FSTL5: variants seen among roughly 807,000 people sequenced by gnomAD.
FSTL5 encodes the protein follistatin like 5.
Under a neutral mutation model 89.1 loss-of-function variants are expected in FSTL5, and 62 were observed. The ratio of observed to expected loss-of-function variants is 0.70; its 90% CI spans 0.57 to 0.86. The LOEUF (loss-of-function observed/expected upper bound fraction) is 0.86, where lower values mean the gene tolerates loss of function less well. Ranked by LOEUF, FSTL5 falls within the 40% of genes least tolerant of loss-of-function variation. FSTL5 has a pLI of 0.00. For missense variants in FSTL5, 1,057 were observed against 1,001.6 expected (o/e 1.06, Z -0.75); for synonymous variants, 383 against 346.2 (o/e 1.11, Z -1.18).
At chr4:161,597,454 G>C (rs1734058107) in intron 7 of FSTL5, among the ~76,000 whole-genome samples, 1 of 134,260 alleles carries the variant, frequency 7.4e-6, no homozygotes, top group African/African-American at 2.8e-5. Context: ...ACAGGAAGGG[G>C]AACATCACAC....
rs1310157518 is a variant in FSTL5, at chr4:161,825,893, T to C, written c.410-49819A>G. Among the ~76,000 whole-genome samples the C allele has an allele frequency of 2.0e-5, 3 of 152,112 alleles. No homozygotes were observed. In the East Asian group the frequency reaches 5.8e-4, roughly 29 times the overall value. ...TTTATTTCATTTAGTTCTGCTTTGA[T>C]CTTCATTATTTCTTTTTTTCTGTTG... On this transcript the variant is annotated intron_variant, in intron 4 of 15. Coordinates refer to ENST00000306100, the MANE Select transcript of FSTL5 (RefSeq NM_020116.5).
At chr4:161,960,005 A>G (rs1735131313) in intron 3 of FSTL5, among the ~76,000 whole-genome samples, 1 of 152,106 alleles carries the variant, frequency 6.6e-6, no homozygotes, top group Non-Finnish European at 1.5e-5. Context: ...CACCAATTCG[A>G]GCAAAATAAG....
chr4:161,861,613 G>A (rs1162921844), intron 4 of FSTL5, among the ~76,000 whole-genome samples: 2 of 152,132 alleles, frequency 1.3e-5, no homozygotes, highest in Non-Finnish European at 2.9e-5. Flanking sequence ...TGGGTAACAT[G>A]AAAAATCCAG....
intron 4 of FSTL5, among the ~76,000 whole-genome samples, chr4:161,881,332 G>C (rs965746048): frequency 1.7e-4 from 25 of 151,464 alleles, no homozygotes; most frequent in Middle Eastern, 3.4e-3. Flanking sequence ...ATTTAAATTA[G>C]ATACTACAGT....
At chr4:161,698,224 T>C (rs1560796207) in intron 6 of FSTL5, among the ~76,000 whole-genome samples, 2 of 152,150 alleles carry the variant, frequency 1.3e-5, no homozygotes, top group Non-Finnish European at 2.9e-5. Flanking sequence ...CTGAATCTGC[T>C]GGCACCTCGA....
At chr4:162,026,180 T>C (rs768047044) in intron 3 of FSTL5, among the ~76,000 whole-genome samples, 17 of 151,888 alleles carry the variant, frequency 1.1e-4, no homozygotes, top group Non-Finnish European at 1.9e-4. Flanking sequence ...CCAACCATTC[T>C]AGGTAAGTGA....
rs554679440 is a variant in FSTL5 at position 161,783,628 on chromosome 4, C to T, written c.410-7554G>A. On this transcript the variant is annotated intron_variant, in intron 4 of 15. Transcript: ENST00000306100. ...TTTCTTTCTTTCTCTTTTTCTTTCT[C>T]TTTCTTTTCTTTCTTTCTCTCTCTT... Among the ~76,000 whole-genome samples the T allele has an allele frequency of 1.4e-3, 91 of 67,118 alleles. 2 individuals are homozygous for T. The highest frequency in any genetic ancestry group is 5.2e-3 in the Admixed American group (27 of 5,210). The allele number at this position is 67,118 out of a possible 152,430, so 44.0% of individuals were successfully genotyped here. A position where few individuals can be genotyped will look rare whatever the true frequency, so the allele number is the denominator to read the frequency against.
rs181144749 is a variant in FSTL5 at position 161,962,839 on chromosome 4, A to T, written c.161-42187T>A. ...AACTAAAGAACTTTTATTTCTGAAGACACTGTAAGGACTAATTTAAATACA... is the reference window on the plus strand; with the variant it reads ...AACTAAAGAACTTTTATTTCTGAAGTCACTGTAAGGACTAATTTAAATACA... On this transcript the variant is annotated intron_variant, in intron 3 of 15. Transcript: ENST00000306100. 3.6e-3 allele frequency among the ~76,000 whole-genome samples: 541 copies of T among 152,132 alleles called. 5 individuals carry two copies. Among genetic ancestry groups the T allele is most frequent in the Non-Finnish European group, 5.8e-3 (395 of 67,936 alleles).
At chr4:161,916,189 A>G (rs887785312) in intron 4 of FSTL5, among the ~76,000 whole-genome samples, 2 of 152,240 alleles carry the variant, frequency 1.3e-5, no homozygotes, top group African/African-American at 4.8e-5. Context: ...ATGCACATTT[A>G]AGTGCACAGA....
chr4:161,537,692 T>A (rs1244513838), intron 10 of FSTL5, among the ~76,000 whole-genome samples: 3 of 152,106 alleles, frequency 2.0e-5, no homozygotes, highest in Non-Finnish European at 4.4e-5. Flanking sequence ...GGGCAGTGAG[T>A]GCCTTAGAGT....
At chr4:161,541,189 C>T (rs868747296) in intron 9 of FSTL5, among the ~76,000 whole-genome samples, 6 of 151,996 alleles carry the variant, frequency 3.9e-5, no homozygotes, top group Non-Finnish European at 7.4e-5. Context: ...ATTATCTCTT[C>T]TCTCCTTTTA....
intron 8 of FSTL5, among the ~76,000 whole-genome samples, chr4:161,585,086 A>G (rs1733559271): frequency 6.6e-6 from 1 of 152,230 alleles, no homozygotes; most frequent in Non-Finnish European, 1.5e-5. Context: ...AAAACCCGAG[A>G]TCAGAGAGTA....
intron 15 of FSTL5, among the ~76,000 whole-genome samples, chr4:161,448,645 G>A (rs549824459): frequency 4.6e-5 from 7 of 152,202 alleles, no homozygotes; most frequent in South Asian, 4.1e-4. Context: ...CTGCCGGAGC[G>A]GTGTCCGCTA....
intron 3 of FSTL5, among the ~76,000 whole-genome samples, chr4:161,958,542 G>A (rs1735086751): frequency 6.6e-6 from 1 of 152,000 alleles, no homozygotes; most frequent in South Asian, 2.1e-4. Context: ...TTTATTGATG[G>A]GAACAAGAAC....
intron 1 of FSTL5, among the ~76,000 whole-genome samples, chr4:162,121,836 T>C (rs1731875721): frequency 6.6e-6 from 1 of 152,088 alleles, no homozygotes; most frequent in East Asian, 1.9e-4. Context: ...TCTCTTCTTC[T>C]TCCTCCTCAG....
intron 3 of FSTL5, chr4:162,032,858 C>A (rs905825987): frequency 1.3e-5 from 2 of 151,962 alleles, no homozygotes; most frequent in African/African-American, 4.8e-5. Flanking sequence ...GGGAAAAAAA[C>A]TGGACAATTG....
rs367837316 is a variant in FSTL5, at chr4:162,081,414, T to C, written c.126+29857A>G. 4.0e-5 allele frequency among the ~76,000 whole-genome samples: 6 copies of C among 151,602 alleles called. No individual in the cohort carries two copies. In the Admixed American group the frequency reaches 4.0e-4, roughly 10 times the overall value. On this transcript the variant is annotated intron_variant, in intron 2 of 15. Coordinates refer to ENST00000306100, the MANE Select transcript of FSTL5 (RefSeq NM_020116.5). ...CATTTATTTCTGGCCTGGCACTTCG[T>C]TACTCAAAGGCCAGTTTGCAAAGTG...
chr4:161,557,291 A>G (rs561206929), intron 8 of FSTL5, among the ~76,000 whole-genome samples: 4 of 149,022 alleles, frequency 2.7e-5, no homozygotes, highest in African/African-American at 9.7e-5. Context: ...ACCTTTACAC[A>G]ATTTATGTAA....
intron 7 of FSTL5, among the ~76,000 whole-genome samples, chr4:161,647,516 C>A (rs868251011): frequency 5.2e-5 from 7 of 134,926 alleles, no homozygotes; most frequent in South Asian, 2.3e-4. Flanking sequence ...GCTTTTATTT[C>A]GTTTAAAAAA....
Sources: allele counts gnomAD v4.1 joint callset (sites outside exome capture counted in the v4.1 genomes callset), GRCh38; gene constraint gnomAD v4.1.1; transcripts MANE v1.5; gene names NCBI Gene and HGNC (gene_info 2026-07-23, HGNC 2026-07-21).